The following TBCEL variants were observed in gnomAD, a reference collection of about 807,000 sequenced individuals.
TBCEL encodes tubulin folding cofactor E like, also known as tubulin-specific chaperone cofactor E-like protein.
In TBCEL, 15 loss-of-function variants were observed where a neutral mutation model predicts 44.2. That is an observed-to-expected ratio of 0.34 (90% CI 0.23 to 0.52). The LOEUF (loss-of-function observed/expected upper bound fraction) is 0.52, where lower values mean the gene tolerates loss of function less well. Among genes scored for constraint, TBCEL ranks in the 20% least tolerant of loss-of-function variants. The probability of loss-of-function intolerance (pLI) is 0.95; values close to 1 mark genes in which losing one functional copy is unlikely to be tolerated. For synonymous variants in TBCEL, 171 were observed against 185.4 expected, an observed-to-expected ratio of 0.92 and a Z score of 0.63; for missense variants, 319 against 506.3, an observed-to-expected ratio of 0.63 and a Z score of 3.55.
intron 4 of TBCEL, among the ~76,000 whole-genome samples, chr11:121,050,594 A>G (rs933311301): frequency 3.3e-5 from 5 of 151,516 alleles, no homozygotes; most frequent in Admixed American, 1.3e-4. Flanking sequence ...ACCTTTCCCA[A>G]GCTACCTTCT....
intron 2 of TBCEL, among the ~76,000 whole-genome samples, chr11:121,044,041 A>G (rs1281175735): frequency 6.6e-6 from 1 of 152,100 alleles, no homozygotes; most frequent in Non-Finnish European, 1.5e-5. Context: ...CACCTGAACT[A>G]GAAACCCTGG....
rs77474753 is a variant in TBCEL, at chr11:121,058,328, A to G, written c.713-17A>G. On this transcript the variant is annotated splice_polypyrimidine_tract_variant and intron_variant, in intron 6 of 8. Transcript: ENST00000683345. The stretch of plus-strand genomic sequence containing the variant: ...GTGCATCTCTGGATTTACTTAAACA[A>G]TATGTTCTCAAATTAGGTTTGCAGT... The G allele has an allele frequency of 2.9e-3, 4,654 of 1,609,176 alleles. 103 individuals carry two copies. In the African/African-American group the frequency reaches 0.054, roughly 19 times the overall value.
chr11:121,069,950 G>A (rs1282628377), intron 8 of TBCEL, among the ~76,000 whole-genome samples: 1 of 152,106 alleles, frequency 6.6e-6, no homozygotes, highest in Admixed American at 6.5e-5. Flanking sequence ...TTTCAAGTTG[G>A]GAAGTTAAGT....
chr11:121,067,905 A>G (rs974700798), intron 8 of TBCEL, among the ~76,000 whole-genome samples: 6 of 152,226 alleles, frequency 3.9e-5, no homozygotes. Context: ...AGAGATAAAG[A>G]GACAAAAACA....
At chr11:121,080,590 A>G (rs1591421091) in intron 8 of TBCEL, among the ~76,000 whole-genome samples, 1 of 152,208 alleles carries the variant, frequency 6.6e-6, no homozygotes, top group Non-Finnish European at 1.5e-5. Context: ...TATGTAAAAT[A>G]TATACTTTGT....
rs557306653 is a variant in TBCEL at position 121,035,595 on chromosome 11, A to T, written c.-125-910A>T. On this transcript the variant is annotated intron_variant, in intron 1 of 8. Transcript: ENST00000683345. The stretch of plus-strand genomic sequence containing the variant: ...TGTAAACTGCTCTGGAAGGCTGTAG[A>T]GTGATGAACTAGTGGTCTGTTCCTA... 9.9e-5 allele frequency: 15 copies of T among 152,048 alleles called. 1 individual carries two copies. Among genetic ancestry groups the T allele is most frequent in the Admixed American group, 9.2e-4 (14 of 15,274 alleles). The allele number at this position is 152,048 out of a possible 1,614,324, so 9.4% of individuals were successfully genotyped here. A position where few individuals can be genotyped will look rare whatever the true frequency, so the allele number is the denominator to read the frequency against.
At chr11:121,024,902 G>T (rs552369909) in intron 1 of TBCEL, among the ~76,000 whole-genome samples, 1 of 152,342 alleles carries the variant, frequency 6.6e-6, no homozygotes, top group East Asian at 1.9e-4. Flanking sequence ...GGGAGACTGA[G>T]AACGAGGGTG....
chr11:121,038,063 G>A (rs1388920723), intron 2 of TBCEL, among the ~76,000 whole-genome samples: 2 of 151,798 alleles, frequency 1.3e-5, no homozygotes, highest in African/African-American at 4.8e-5. Flanking sequence ...GGGTTCAAGC[G>A]ATTCTCTTGC....
At chr11:121,027,216 G>A (rs183288533) in intron 1 of TBCEL, among the ~76,000 whole-genome samples, 109 of 152,238 alleles carry the variant, frequency 7.2e-4, no homozygotes, top group African/African-American at 2.5e-3. Flanking sequence ...TACAATTTGG[G>A]CTTAAAGGGT....
chr11:121,034,003 T>G (rs958675834), intron 1 of TBCEL, among the ~76,000 whole-genome samples: 3 of 152,190 alleles, frequency 2.0e-5, no homozygotes, highest in African/African-American at 7.2e-5. Context: ...TTTATGTATC[T>G]GTCACATTCT....
At chr11:121,036,024 G>A (rs1327844698) in intron 1 of TBCEL, 1 of 152,080 alleles carries the variant, frequency 6.6e-6, no homozygotes, top group Non-Finnish European at 1.5e-5. Context: ...AAGATGGATT[G>A]GCTTAACAGA....
chr11:121,053,093 A>G (rs981900813), intron 4 of TBCEL, among the ~76,000 whole-genome samples: 18 of 151,886 alleles, frequency 1.2e-4, no homozygotes, highest in Admixed American at 9.2e-4. Flanking sequence ...GTCAAATTTA[A>G]CACATGAATT....
chr11:121,040,779 T>C (rs549513958), intron 2 of TBCEL, among the ~76,000 whole-genome samples: 81 of 152,248 alleles, frequency 5.3e-4, no homozygotes, highest in African/African-American at 1.8e-3. Context: ...AAGAACACTT[T>C]ACATTTCAAA....
intron 8 of TBCEL, among the ~76,000 whole-genome samples, chr11:121,079,677 T>G (rs1023767182): frequency 2.0e-5 from 3 of 151,984 alleles, no homozygotes; most frequent in African/African-American, 7.3e-5. Context: ...GTAGAATGTT[T>G]CTTTGATGTC....
At chr11:121,035,745 A>G (rs1221804205) in intron 1 of TBCEL, 2 of 152,184 alleles carry the variant, frequency 1.3e-5, no homozygotes, top group Non-Finnish European at 1.5e-5. Context: ...GAAAGAAAAC[A>G]TGCATATATG....
rs1457306216 is a variant in TBCEL, at chr11:121,055,285, G to A, written c.689G>A (p.Arg230Gln). 3 of 1,609,634 alleles carry A rather than the reference G, an allele frequency of 1.9e-6. No individual in the cohort carries two copies. Among genetic ancestry groups the A allele is most frequent in the Admixed American group, 1.7e-5 (1 of 59,576 alleles). The part of the protein sequence containing the change: ...DSLARLFPNL[R>Q]SISLHKSGLQ... The stretch of plus-strand genomic sequence containing the variant: ...TTGGCCAGGTTGTTTCCTAATCTTC[G>A]ATCCATCAGCCTCCACAAGTCAGGT... Residue 230 changes from arginine (R) to glutamine (Q), a missense_variant, in exon 6 of 9, where the codon CGA (arginine) becomes CAA (glutamine). By Grantham distance (43) the Arg-to-Gln change is conservative. Transcript: ENST00000683345.
At chr11:121,049,958 C>A (rs570168911) in intron 4 of TBCEL, among the ~76,000 whole-genome samples, 134 of 151,792 alleles carry the variant, frequency 8.8e-4, no homozygotes, top group Admixed American at 1.2e-3. Context: ...TTTGTGTATT[C>A]CTAAGTGCTC....
chr11:121,027,261 C>T (rs940953773), intron 1 of TBCEL, among the ~76,000 whole-genome samples: 4 of 152,162 alleles, frequency 2.6e-5, no homozygotes, highest in African/African-American at 9.7e-5. Context: ...TGCCTTTCTC[C>T]TACACGTGAT....
intron 8 of TBCEL, 41 bp from the exon 9 acceptor site, chr11:121,086,737 C>A: frequency 2.7e-6 from 4 of 1,462,994 alleles, no homozygotes; most frequent in Non-Finnish European, 3.8e-6. Flanking sequence ...AGTACATGTG[C>A]TAGTAGTTTA....
Sources: allele counts gnomAD v4.1 joint callset (sites outside exome capture counted in the v4.1 genomes callset), GRCh38; gene constraint gnomAD v4.1.1; transcripts MANE v1.5; gene names NCBI Gene and HGNC (gene_info 2026-07-23, HGNC 2026-07-21).